The following PRMT3 variants were observed in gnomAD, a reference collection of about 807,000 sequenced individuals.
PRMT3 encodes the protein protein arginine methyltransferase 3.
A neutral mutation model predicts 71.9 loss-of-function variants in PRMT3; 62 were observed. The ratio of observed to expected loss-of-function variants is 0.86; its 90% confidence interval spans 0.70 to 1.07. The LOEUF (loss-of-function observed/expected upper bound fraction) is 1.07. Among genes scored for constraint, PRMT3 ranks in the 50% least tolerant of loss-of-function variants. The pLI is 0.00. For missense variants in PRMT3, 663 were observed against 643.0 expected (o/e 1.03, Z -0.34); for synonymous variants, 213 against 220.4 (o/e 0.97, Z 0.30).
At chr11:20,402,811 A>G in intron 7 of PRMT3, 108 bp from the exon 8 acceptor site, 1 of 713,930 alleles carries the variant, frequency 1.4e-6, no homozygotes. Flanking sequence ...AGGTATAAAA[A>G]CTGCTATGGA....
intron 15 of PRMT3, among the ~76,000 whole-genome samples, chr11:20,507,992 G>C (rs1252092964): frequency 1.5e-4 from 23 of 151,878 alleles, no homozygotes; most frequent in Non-Finnish European, 3.4e-4. Flanking sequence ...TGTAGTCCCA[G>C]CTATTCGGGA....
At chr11:20,425,571 GAACA>G (rs752581457) in intron 9 of PRMT3, among the ~76,000 whole-genome samples, 4 of 152,032 alleles carry the variant, frequency 2.6e-5, no homozygotes, top group Non-Finnish European at 4.4e-5. Context: ...CAGTAGCAAG[GAACA>G]AACAAACTAC....
intron 9 of PRMT3, among the ~76,000 whole-genome samples, chr11:20,422,942 A>G (rs548898597): frequency 9.8e-5 from 15 of 152,324 alleles, no homozygotes; most frequent in Admixed American, 9.8e-4. Flanking sequence ...CATCCACCCC[A>G]TTTGAAGACC....
Position 20,387,794 on chromosome 11 carries a change from A to G in PRMT3, c.28+20A>G, listed in dbSNP as rs775957098. ...CTACCGGTGGGTACCCTGGCCCCTC[A>G]GCACCCGGCTCGTCCAGCCCCAGGC... On this transcript the variant is annotated intron_variant, in intron 1 of 15. Coordinates refer to ENST00000331079, the MANE Select transcript of PRMT3 (RefSeq NM_005788.4). This position sits in a 1 kb window ranked among gnomAD's most constrained non-coding sequence, Gnocchi z 4.3. 6.5e-7 allele frequency: 1 copy of G among 1,541,708 alleles called. No individual in the cohort carries two copies. The highest frequency in any genetic ancestry group is 8.7e-7 in the Non-Finnish European group (1 of 1,146,288).
intron 13 of PRMT3, among the ~76,000 whole-genome samples, chr11:20,465,606 C>T (rs1366207872): frequency 2.0e-5 from 3 of 151,916 alleles, no homozygotes; most frequent in Admixed American, 6.5e-5. Context: ...TAACAATGTA[C>T]TTTGATGTTT....
intron 15 of PRMT3, among the ~76,000 whole-genome samples, chr11:20,494,515 G>A (rs2133454668): frequency 6.6e-6 from 1 of 152,168 alleles, no homozygotes; most frequent in African/African-American, 2.4e-5. Context: ...TGTATTTTTA[G>A]TAGAGATGGG....
At chr11:20,400,044 C>A (rs79093563) in intron 7 of PRMT3, among the ~76,000 whole-genome samples, 13 of 152,168 alleles carry the variant, frequency 8.5e-5, no homozygotes, top group African/African-American at 3.1e-4. Flanking sequence ...TGCCAAGTTA[C>A]GTGCCTTGGA....
intron 9 of PRMT3, among the ~76,000 whole-genome samples, chr11:20,414,088 A>G (rs891681953): frequency 2.0e-5 from 3 of 152,124 alleles, no homozygotes; most frequent in Admixed American, 6.6e-5. Context: ...ATTTTTGGCT[A>G]GGCATGGTGG....
At chr11:20,490,668 A>T (rs7939710) in intron 13 of PRMT3, among the ~76,000 whole-genome samples, 60,614 of 152,090 alleles carry the variant, frequency 0.4, 13,646 homozygotes, top group Non-Finnish European at 0.52. Flanking sequence ...AATTCTGATT[A>T]AAAAAAGACT....
intron 11 of PRMT3, among the ~76,000 whole-genome samples, chr11:20,458,736 A>T (rs1010939819): frequency 2.0e-5 from 3 of 152,172 alleles, no homozygotes; most frequent in Non-Finnish European, 2.9e-5. Flanking sequence ...ATTAAAAATA[A>T]TTTTATTTGC....
intron 10 of PRMT3, among the ~76,000 whole-genome samples, chr11:20,443,233 C>T (rs1231575662): frequency 1.3e-5 from 2 of 152,092 alleles, no homozygotes; most frequent in East Asian, 1.9e-4. Context: ...ATATTGGAGA[C>T]GGGGTGGAGT....
intron 13 of PRMT3, among the ~76,000 whole-genome samples, chr11:20,470,970 C>T (rs1344140061): frequency 6.6e-6 from 1 of 152,112 alleles, no homozygotes; most frequent in Non-Finnish European, 1.5e-5. Flanking sequence ...TTTTGATTTA[C>T]GTTTCTCTAA....
intron 10 of PRMT3, among the ~76,000 whole-genome samples, chr11:20,447,630 A>G (rs1368574216): frequency 2.6e-5 from 4 of 152,132 alleles, no homozygotes; most frequent in African/African-American, 9.7e-5. Flanking sequence ...AGAAGACATC[A>G]TAATCAACCT....
At chr11:20,391,389 G>T (rs1024382351) in intron 3 of PRMT3, among the ~76,000 whole-genome samples, 4 of 152,084 alleles carry the variant, frequency 2.6e-5, no homozygotes, top group Non-Finnish European at 4.4e-5. Context: ...GGGATTATAG[G>T]CATGCGCCAC....
chr11:20,404,289 A>C (rs570009392), intron 8 of PRMT3, among the ~76,000 whole-genome samples: 14 of 117,994 alleles, frequency 1.2e-4, no homozygotes, highest in Non-Finnish European at 1.1e-4. Flanking sequence ...GCTGGAGTGC[A>C]CTGGCGCGAT....
chr11:20,388,089 G>C lies in PRMT3; in HGVS notation c.99G>C (p.Trp33Cys). The C allele has an allele frequency of 6.2e-7, 1 of 1,614,058 alleles. No individual in the cohort carries two copies. The highest frequency in any genetic ancestry group is 8.5e-7 in the Non-Finnish European group (1 of 1,180,000). Residue 33 changes from tryptophan (W) to cysteine (C), a missense_variant, in exon 2 of 16, where the codon TGG becomes TGC. Physicochemically the swap from Trp to Cys is radical, Grantham distance 215. Transcript: ENST00000331079. The stretch of plus-strand genomic sequence containing the variant: ...CGGACAGCGGGGACGAGGCCGCCTG[G>C]GAGGATGAGGACGATGCAGATCTCC... ...ELSDSGDEAA[W>C]EDEDDADLPH...
chr11:20,466,082 GT>G (rs1215735243), intron 13 of PRMT3, among the ~76,000 whole-genome samples: 1 of 152,292 alleles, frequency 6.6e-6, no homozygotes, highest in East Asian at 1.9e-4. Context: ...TCAAAAGCTT[GT>G]GCATATTTGT....
At chr11:20,411,317 T>C (rs1168701220) in intron 9 of PRMT3, among the ~76,000 whole-genome samples, 1 of 152,094 alleles carries the variant, frequency 6.6e-6, no homozygotes, top group Non-Finnish European at 1.5e-5. Flanking sequence ...GGGAGTCTGA[T>C]CATTTTGTCA....
intron 10 of PRMT3, among the ~76,000 whole-genome samples, chr11:20,428,592 G>A (rs1849593755): frequency 1.3e-5 from 2 of 152,172 alleles, no homozygotes; most frequent in Admixed American, 1.3e-4. Flanking sequence ...TAGCTGGATT[G>A]AATGAATTCA....
Sources: gnomAD v4.1 joint callset for allele counts (sites outside exome capture counted in the v4.1 genomes callset) on GRCh38, gnomAD v4.1.1 for gene constraint, Gnocchi (gnomAD v3.1) non-coding constraint, MANE v1.5 for transcripts, NCBI Gene and HGNC (gene_info 2026-07-23, HGNC 2026-07-21) for gene names.